The following PKD2L1 variants were observed in gnomAD, a reference collection of about 807,000 sequenced individuals.
PKD2L1 encodes polycystin-2-like protein 1.
Under a neutral mutation model 93.0 loss-of-function variants are expected in PKD2L1, and 77 were observed. The ratio of observed to expected loss-of-function variants is 0.83; its 90% confidence interval spans 0.69 to 1.00. The LOEUF is 1.00. Among genes scored for constraint, PKD2L1 ranks in the 50% least tolerant of loss-of-function variants. The pLI, the probability that PKD2L1 is intolerant of heterozygous loss-of-function variation, is 0.00. For synonymous variants in PKD2L1, 390 were observed against 388.0 expected (o/e 1.01, Z -0.06); for missense variants, 977 against 990.9 (o/e 0.99, Z 0.19).
chr10:100,302,559 C>G (rs1385459071), intron 2 of PKD2L1, among the ~76,000 whole-genome samples: 1 of 151,834 alleles, frequency 6.6e-6, no homozygotes, highest in Non-Finnish European at 1.5e-5. Context: ...CAAAAATTAC[C>G]CGGGCATGGT....
intron 2 of PKD2L1, among the ~76,000 whole-genome samples, chr10:100,314,679 T>C (rs1849023492): frequency 6.6e-6 from 1 of 152,090 alleles, no homozygotes; most frequent in Admixed American, 6.6e-5. Flanking sequence ...CACATCCTTC[T>C]AGTGTAAACC....
At chr10:100,319,910 A>T (rs1007526739) in intron 2 of PKD2L1, among the ~76,000 whole-genome samples, 12 of 152,210 alleles carry the variant, frequency 7.9e-5, no homozygotes, top group African/African-American at 2.9e-4. Flanking sequence ...AAGACCTTCA[A>T]TGTTTCCTCC....
At chr10:100,298,388 A>T (rs1245077891) in intron 4 of PKD2L1, among the ~76,000 whole-genome samples, 174 bp downstream of exon 4, 2 of 152,106 alleles carry the variant, frequency 1.3e-5, no homozygotes, top group African/African-American at 4.8e-5. Context: ...TTCCTGAGTG[A>T]CACAGACCAA....
chr10:100,310,631 G>T (rs59409411), intron 2 of PKD2L1, among the ~76,000 whole-genome samples: 1,595 of 152,056 alleles, frequency 0.01, 18 homozygotes, highest in Middle Eastern at 0.034. Context: ...TCCTAAAATT[G>T]CCCTTATAAA....
intron 2 of PKD2L1, among the ~76,000 whole-genome samples, chr10:100,325,177 G>A (rs1849350612): frequency 1.3e-5 from 2 of 152,160 alleles, no homozygotes; most frequent in South Asian, 2.1e-4. Context: ...CTTATGTACC[G>A]TGACTCTTCA....
intron 2 of PKD2L1, among the ~76,000 whole-genome samples, chr10:100,318,773 C>T (rs183705855): frequency 3.9e-4 from 59 of 152,098 alleles, no homozygotes; most frequent in African/African-American, 1.1e-3. Context: ...CCCACCTTGG[C>T]CTCCCAAAGT....
chr10:100,323,138 T>G (rs931415675), intron 2 of PKD2L1, among the ~76,000 whole-genome samples: 1 of 152,242 alleles, frequency 6.6e-6, no homozygotes, highest in Admixed American at 6.5e-5. Flanking sequence ...TACTTTCACT[T>G]AAAGGTCTGA....
At chr10:100,288,542 G>C in intron 15 of PKD2L1, 64 bp from the exon 16 acceptor site, 1 of 987,296 alleles carries the variant, frequency 1.0e-6, no homozygotes, top group Non-Finnish European at 1.6e-6. Context: ...CAAAGGATAA[G>C]AATAGGATTC....
chr10:100,329,442 C>A, intron 1 of PKD2L1, 118 bp from the exon 2 acceptor site: 1 of 1,400,588 alleles, frequency 7.1e-7, no homozygotes, highest in Admixed American at 2.0e-5. Flanking sequence ...TTGCCCATCA[C>A]CTTCATCCTT....
chr10:100,321,059 T>C (rs1330339962), intron 2 of PKD2L1, among the ~76,000 whole-genome samples: 1 of 152,182 alleles, frequency 6.6e-6, no homozygotes, highest in Non-Finnish European at 1.5e-5. Flanking sequence ...AATAAAAATA[T>C]AAAAACTGGC....
At chr10:100,297,650 C>T (rs1848579715) in intron 4 of PKD2L1, 44 bp from the exon 5 acceptor site, 1 of 1,448,694 alleles carries the variant, frequency 6.9e-7, no homozygotes, top group Admixed American at 1.7e-5. Context: ...AAGTTCATCT[C>T]CCAAGGCAAT....
At chr10:100,300,201 A>T (rs188831353) in intron 2 of PKD2L1, among the ~76,000 whole-genome samples, 1 of 152,316 alleles carries the variant, frequency 6.6e-6, no homozygotes, top group Non-Finnish European at 1.5e-5. Context: ...ATGTGGTCTC[A>T]TGGCCCCTGG....
Position 100,290,071 on chromosome 10 carries a change from C to T in PKD2L1, c.2194G>A (p.Gly732Ser). ...EGVVSQIDAVGSKLKMLERKG... is the reference protein window; with the variant it reads ...EGVVSQIDAVSSKLKMLERKG... ...CTCTCCAGCATTTTCAGCTTTGAGC[C>T]TACAGCATCAATCTGGGACACTACT... Residue 732 changes from glycine to serine, a missense_variant, in exon 14 of 16, where the codon GGC becomes AGC. By Grantham distance (56) the Gly-to-Ser change is moderately conservative (BLOSUM62 0). Transcript: ENST00000318222. The T allele has an allele frequency of 6.2e-7, 1 of 1,614,190 alleles. No homozygotes were observed. Among genetic ancestry groups the T allele is most frequent in the African/African-American group, 1.3e-5 (1 of 75,050 alleles).
At chr10:100,303,902 C>T (rs981570998) in intron 2 of PKD2L1, among the ~76,000 whole-genome samples, 1 of 152,220 alleles carries the variant, frequency 6.6e-6, no homozygotes, top group Non-Finnish European at 1.5e-5. Context: ...TTCTGAGTAG[C>T]CACTAGGTGG....
chr10:100,291,640 A>G lies in PKD2L1; in HGVS notation c.1881-213T>C, dbSNP rs189712894. Among the ~76,000 whole-genome samples, 52 of 152,268 alleles carry G rather than the reference A, an allele frequency of 3.4e-4. 1 individual carries two copies. Among genetic ancestry groups the G allele is most frequent in the Admixed American group, 3.0e-3 (46 of 15,290 alleles). ...TCCTGCTCACCAGGTTCAGGGCCTC[A>G]TGACCTCCTACAGGGATTATTGCAA... On this transcript the variant is annotated intron_variant, in intron 11 of 15. Transcript: ENST00000318222.
At chr10:100,324,373 G>A (rs1415065381) in intron 2 of PKD2L1, among the ~76,000 whole-genome samples, 1 of 152,132 alleles carries the variant, frequency 6.6e-6, no homozygotes, top group Admixed American at 6.5e-5. Flanking sequence ...AAAATGACAG[G>A]TATTCACCAT....
At chr10:100,317,389 A>G (rs926018423) in intron 2 of PKD2L1, among the ~76,000 whole-genome samples, 1 of 151,566 alleles carries the variant, frequency 6.6e-6, no homozygotes, top group Non-Finnish European at 1.5e-5. Context: ...AAAAACAAAA[A>G]TTAAGCGAGT....
At chr10:100,300,460 A>G (rs1848650376) in intron 2 of PKD2L1, among the ~76,000 whole-genome samples, 1 of 152,160 alleles carries the variant, frequency 6.6e-6, no homozygotes, top group Admixed American at 6.5e-5. Flanking sequence ...TAACACATCC[A>G]TCCAGTCCCA....
intron 1 of PKD2L1, 41 bp from the exon 2 acceptor site, chr10:100,329,365 G>C: frequency 6.2e-7 from 1 of 1,613,710 alleles, no homozygotes; most frequent in South Asian, 1.1e-5. Context: ...CTCAGTGGCA[G>C]TGTTCCTCCC....
Sources: allele counts gnomAD v4.1 joint callset (sites outside exome capture counted in the v4.1 genomes callset), GRCh38; gene constraint gnomAD v4.1.1; transcripts MANE v1.5; gene names NCBI Gene and HGNC (gene_info 2026-07-23, HGNC 2026-07-21).